ZSWIM6: variants seen among roughly 807,000 people sequenced by gnomAD.
The protein encoded by ZSWIM6 is zinc finger SWIM-type containing 6.
ZSWIM6 carries 9 observed loss-of-function variants against 113.2 expected under a neutral mutation model. The observed-to-expected ratio is 0.08, with a 90% CI of 0.05 to 0.14. The LOEUF is 0.14. ZSWIM6 is among the 10% of genes least tolerant of loss of function. ZSWIM6 has a pLI of 1.00. For missense variants in ZSWIM6, 1,162 were observed against 1,552.2 expected, an observed-to-expected ratio of 0.75 and a Z score of 4.22; for synonymous variants, 611 against 606.5, an observed-to-expected ratio of 1.01 and a Z score of -0.11.
At chr5:61,440,134 C>T (rs561348201) in intron 1 of ZSWIM6, among the ~76,000 whole-genome samples, 10 of 151,744 alleles carry the variant, frequency 6.6e-5, no homozygotes, top group South Asian at 2.1e-4. Context: ...AAAAAAAGCG[C>T]GAGAGTATAT....
At chr5:61,394,309 T>C (rs1745793767) in intron 1 of ZSWIM6, among the ~76,000 whole-genome samples, 1 of 152,190 alleles carries the variant, frequency 6.6e-6, no homozygotes, top group South Asian at 2.1e-4. Context: ...TGTGCCCTTG[T>C]CTCTGGGCAT....
At chr5:61,431,372 CAAAAAAAAAAAAAA>C (rs397881994) in intron 1 of ZSWIM6, among the ~76,000 whole-genome samples, 4 of 44,524 alleles carry the variant, frequency 9.0e-5, no homozygotes, top group Non-Finnish European at 1.1e-4. Flanking sequence ...ACTCCATCTC[CAAAAAAAAAAAAAA>C]AAAAAAAAAA....
chr5:61,485,969 T>C (rs541936452), intron 2 of ZSWIM6, among the ~76,000 whole-genome samples: 2 of 151,964 alleles, frequency 1.3e-5, no homozygotes, highest in African/African-American at 4.8e-5. Flanking sequence ...TTGTTTATTA[T>C]CATTTTTTAT....
intron 1 of ZSWIM6, among the ~76,000 whole-genome samples, chr5:61,445,513 A>C (rs779311065): frequency 1.3e-5 from 2 of 152,232 alleles, no homozygotes; most frequent in Admixed American, 6.5e-5. Flanking sequence ...GGATAAAAAA[A>C]TCATTGGAAA....
At chr5:61,444,071 A>G (rs1746894733) in intron 1 of ZSWIM6, among the ~76,000 whole-genome samples, 1 of 147,812 alleles carries the variant, frequency 6.8e-6, no homozygotes, top group African/African-American at 2.5e-5. Flanking sequence ...AGCATTAGGT[A>G]TATCTCCTAA....
intron 4 of ZSWIM6, among the ~76,000 whole-genome samples, chr5:61,502,171 G>A (rs1748485958): frequency 6.6e-6 from 1 of 152,116 alleles, no homozygotes; most frequent in Non-Finnish European, 1.5e-5. Context: ...AAGCCATCTG[G>A]GATTCCCAGG....
intron 7 of ZSWIM6, 58 bp downstream of exon 7, chr5:61,526,454 G>A: frequency 6.5e-7 from 1 of 1,533,072 alleles, no homozygotes; most frequent in East Asian, 2.5e-5. Context: ...GACATTACTA[G>A]GTTTTGTGTT....
At chr5:61,337,945 ATTG>A (rs781008000) in intron 1 of ZSWIM6, among the ~76,000 whole-genome samples, 4 of 151,874 alleles carry the variant, frequency 2.6e-5, no homozygotes, top group Non-Finnish European at 5.9e-5. Flanking sequence ...TTTAATTTAT[ATTG>A]TTTTGGTGTG....
intron 1 of ZSWIM6, among the ~76,000 whole-genome samples, chr5:61,334,446 CTT>C (rs1442736297): frequency 1.3e-5 from 2 of 152,188 alleles, no homozygotes; most frequent in Non-Finnish European, 2.9e-5. Context: ...ATCTCTATCT[CTT>C]TGATTGTTAA....
At chr5:61,374,048 A>G (rs550988444) in intron 1 of ZSWIM6, among the ~76,000 whole-genome samples, 1 of 152,168 alleles carries the variant, frequency 6.6e-6, no homozygotes, top group African/African-American at 2.4e-5. Flanking sequence ...GCTTTCATCT[A>G]CTTGATAAAA....
At position 61,544,347 on chromosome 5, in the gene ZSWIM6, G is replaced by C; in HGVS notation, c.*30G>C. 8.7e-6 allele frequency: 1 copy of C among 115,530 alleles called. No individual in the cohort carries two copies. 7.2% of individuals were successfully genotyped at this position (115,530 alleles called of 1,614,324 possible). ...TCTTGTATGAATGGGGTGGGGGGTG[G>C]GGATGGGAGGGATGGTTTGTTTTTA... is the stretch of plus-strand genomic sequence containing the variant. On this transcript the variant is annotated 3_prime_UTR_variant, in exon 14 of 14. Coordinates refer to ENST00000252744, the MANE Select transcript of ZSWIM6 (RefSeq NM_020928.2).
chr5:61,458,818 C>G (rs1199382953), intron 1 of ZSWIM6, among the ~76,000 whole-genome samples: 1 of 148,922 alleles, frequency 6.7e-6, no homozygotes, highest in East Asian at 2.0e-4. Flanking sequence ...GCGGGGGCTA[C>G]AGTGAGCCGA....
intron 1 of ZSWIM6, among the ~76,000 whole-genome samples, chr5:61,455,435 T>A (rs1747184988): frequency 6.6e-6 from 1 of 152,098 alleles, no homozygotes; most frequent in African/African-American, 2.4e-5. Context: ...CAGAAGAAAA[T>A]CTCCGACTTG....
At chr5:61,495,287 A>G (rs1166663012) in intron 4 of ZSWIM6, among the ~76,000 whole-genome samples, 1 of 152,122 alleles carries the variant, frequency 6.6e-6, no homozygotes, top group East Asian at 1.9e-4. Context: ...CCAAATGACC[A>G]TGACTGGAAG....
chr5:61,400,687 G>T (rs912635128), intron 1 of ZSWIM6, among the ~76,000 whole-genome samples: 2 of 152,036 alleles, frequency 1.3e-5, no homozygotes, highest in African/African-American at 4.8e-5. Context: ...TCCTTGTTCT[G>T]CCTGCTGAAT....
At chr5:61,496,829 T>C (rs933773662) in intron 4 of ZSWIM6, among the ~76,000 whole-genome samples, 3 of 152,176 alleles carry the variant, frequency 2.0e-5, no homozygotes, top group African/African-American at 7.2e-5. Context: ...AAATGTCCTC[T>C]TAGCAAAAGC....
At chr5:61,415,014 C>T (rs1012012813) in intron 1 of ZSWIM6, among the ~76,000 whole-genome samples, 19 of 152,016 alleles carry the variant, frequency 1.2e-4, no homozygotes, top group African/African-American at 3.6e-4. Flanking sequence ...AACTGGATTG[C>T]GGGGAGGTTA....
At chr5:61,522,676 G>C (rs1447670641) in intron 5 of ZSWIM6, among the ~76,000 whole-genome samples, 1 of 152,152 alleles carries the variant, frequency 6.6e-6, no homozygotes, top group South Asian at 2.1e-4. Flanking sequence ...CATGATGATT[G>C]TATTTAATAA....
intron 1 of ZSWIM6, among the ~76,000 whole-genome samples, chr5:61,358,892 G>A (rs1744975105): frequency 6.6e-6 from 1 of 152,162 alleles, no homozygotes; most frequent in Non-Finnish European, 1.5e-5. Context: ...TTGTAGATAA[G>A]CTGCTAACAG....
Sources: allele counts gnomAD v4.1 joint callset (sites outside exome capture counted in the v4.1 genomes callset), GRCh38; gene constraint gnomAD v4.1.1; transcripts MANE v1.5; gene names NCBI Gene and HGNC (gene_info 2026-07-23, HGNC 2026-07-21).